Variants in NRG3 observed in about 807,000 individuals in gnomAD.
NRG3 encodes the protein neuregulin 3.
In NRG3, 31 loss-of-function variants were observed where a neutral mutation model predicts 66.9. The ratio of observed to expected loss-of-function variants is 0.46; its 90% confidence interval spans 0.35 to 0.63. The LOEUF is 0.63. NRG3 is among the 20% of genes least tolerant of loss of function. The probability of loss-of-function intolerance (pLI) is 0.00; values close to 1 mark genes in which losing one functional copy is unlikely to be tolerated. For synonymous variants in NRG3, 393 were observed against 359.4 expected, an observed-to-expected ratio of 1.09 and a Z score of -1.06; for missense variants, 910 against 878.9, an observed-to-expected ratio of 1.04 and a Z score of -0.45.
At position 82,671,260 on chromosome 10, in the gene NRG3, A is replaced by G. The variant is rs143990519; in HGVS notation, c.954-67317A>G. On this transcript the variant is annotated intron_variant, in intron 2 of 8. Coordinates refer to ENST00000372141, the MANE Select transcript of NRG3 (RefSeq NM_001010848.4). ...ACTCTCAGTAAGCTCCAGTTGTTAC[A>G]GGAGAATGAATCTCTGGCTGGGACC... 1.4e-3 allele frequency among the ~76,000 whole-genome samples: 207 copies of G among 152,346 alleles called. 1 individual carries two copies. Among genetic ancestry groups the G allele is most frequent in the African/African-American group, 4.7e-3 (196 of 41,588 alleles).
chr10:82,635,848 G>A (rs188153477), intron 2 of NRG3, among the ~76,000 whole-genome samples: 4 of 152,156 alleles, frequency 2.6e-5, no homozygotes, highest in African/African-American at 9.7e-5. Flanking sequence ...AGTGGACTAG[G>A]CTTGGGCTTT....
At chr10:82,666,276 A>T (rs897043716) in intron 2 of NRG3, among the ~76,000 whole-genome samples, 1 of 152,168 alleles carries the variant, frequency 6.6e-6, no homozygotes, top group Admixed American at 6.5e-5. Flanking sequence ...CTATGTGAGC[A>T]AGTCTTCAAA....
At chr10:82,351,588 G>A (rs2083442287) in intron 1 of NRG3, among the ~76,000 whole-genome samples, 1 of 152,148 alleles carries the variant, frequency 6.6e-6, no homozygotes, top group Non-Finnish European at 1.5e-5. Context: ...TGAAGTTTAA[G>A]ATCCATCTAC....
chr10:82,633,042 C>T (rs1043206552), intron 2 of NRG3, among the ~76,000 whole-genome samples: 1 of 152,182 alleles, frequency 6.6e-6, no homozygotes, highest in Non-Finnish European at 1.5e-5. Flanking sequence ...GGTTTGTTAA[C>T]TCATGGTCAC....
chr10:82,843,704 A>G (rs1366646865), intron 3 of NRG3, among the ~76,000 whole-genome samples: 3 of 152,186 alleles, frequency 2.0e-5, no homozygotes, highest in African/African-American at 7.2e-5. Flanking sequence ...CAATGATAAG[A>G]TGGAAAATGA....
intron 2 of NRG3, among the ~76,000 whole-genome samples, chr10:82,722,885 A>G (rs773363771): frequency 7.9e-5 from 12 of 152,176 alleles, no homozygotes; most frequent in Non-Finnish European, 1.6e-4. Context: ...TAGTTAAGAA[A>G]CAGGGCTTAC....
At chr10:82,569,779 C>T (rs569185400) in intron 2 of NRG3, among the ~76,000 whole-genome samples, 134 of 151,730 alleles carry the variant, frequency 8.8e-4, no homozygotes, top group African/African-American at 3.0e-3. Flanking sequence ...GTACAAATAA[C>T]TCACAAATAT....
intron 3 of NRG3, among the ~76,000 whole-genome samples, chr10:82,803,475 T>G (rs1178253290): frequency 1.3e-5 from 2 of 152,184 alleles, no homozygotes; most frequent in Non-Finnish European, 2.9e-5. Context: ...AAGGGCACAT[T>G]TAAAAAAATG....
At chr10:82,034,011 T>C (rs1039259966) in intron 1 of NRG3, among the ~76,000 whole-genome samples, 1 of 152,142 alleles carries the variant, frequency 6.6e-6, no homozygotes, top group Non-Finnish European at 1.5e-5. Context: ...ACCTTAGAAA[T>C]GATTTAAAGT....
At position 82,565,287 on chromosome 10, in the gene NRG3, T is replaced by C. The variant is rs550418086; in HGVS notation, c.954-173290T>C. Among the ~76,000 whole-genome samples the C allele has an allele frequency of 2.0e-5, 3 of 152,240 alleles. No individual in the cohort carries two copies. The South Asian group carries it at 6.2e-4, about 32-fold the overall frequency. ...TTGGTCTTCTAGGCAGTTTATCTCATGTACATGGAGAGTGAATATGGGTTC... is the reference window on the plus strand; with the variant it reads ...TTGGTCTTCTAGGCAGTTTATCTCACGTACATGGAGAGTGAATATGGGTTC... On this transcript the variant is annotated intron_variant, in intron 2 of 8. Coordinates refer to ENST00000372141, the MANE Select transcript of NRG3 (RefSeq NM_001010848.4).
intron 3 of NRG3, among the ~76,000 whole-genome samples, chr10:82,755,467 A>T (rs1471201146): frequency 1.3e-5 from 2 of 152,038 alleles, no homozygotes; most frequent in Non-Finnish European, 2.9e-5. Context: ...ATCTAGATTG[A>T]TATTACTGCT....
intron 1 of NRG3, among the ~76,000 whole-genome samples, chr10:82,150,856 T>C (rs1042117527): frequency 2.6e-5 from 4 of 152,174 alleles, no homozygotes; most frequent in Admixed American, 2.6e-4. Flanking sequence ...CTTTTAAACA[T>C]TGTTTACATC....
At chr10:82,014,715 GT>G (rs2061712275) in intron 1 of NRG3, among the ~76,000 whole-genome samples, 1 of 152,172 alleles carries the variant, frequency 6.6e-6, no homozygotes, top group Non-Finnish European at 1.5e-5. Flanking sequence ...CAGAGGCAGG[GT>G]GAAGGTGCTG....
At chr10:82,435,749 G>C (rs1030552975) in intron 2 of NRG3, among the ~76,000 whole-genome samples, 1 of 146,738 alleles carries the variant, frequency 6.8e-6, no homozygotes, top group Non-Finnish European at 1.5e-5. Flanking sequence ...CCATGAAATT[G>C]TGTGGTTTTG....
rs140114155 is a variant in NRG3 at position 82,179,553 on chromosome 10, G to A, written c.824-179186G>A. ...GCATCCTTGTCAATGATTATTTGACGATAAATGCATTGGTTTATTTCTGGG... is the reference window on the plus strand; with the variant it reads ...GCATCCTTGTCAATGATTATTTGACAATAAATGCATTGGTTTATTTCTGGG... On this transcript the variant is annotated intron_variant, in intron 1 of 8. Coordinates refer to ENST00000372141, the MANE Select transcript of NRG3 (RefSeq NM_001010848.4). 3.9e-5 allele frequency among the ~76,000 whole-genome samples: 6 copies of A among 151,954 alleles called. No individual in the cohort carries two copies. In the East Asian group the frequency reaches 9.7e-4, roughly 24 times the overall value.
At position 82,985,413 on chromosome 10, in the gene NRG3, T is replaced by C. The variant is rs1383203198; in HGVS notation, c.1899T>C (p.Thr633=). 3.1e-6 allele frequency: 5 copies of C among 1,614,158 alleles called. No individual in the cohort carries two copies. In the South Asian group the frequency reaches 3.3e-5, roughly 11 times the overall value. The part of the protein sequence containing the change: ...EQQEVKILLE[T]VQEQIRILTD... ...AAGAAGTGAAAATATTGCTAGAAACTGTCCAGGAGCAGATCCGAATTCTGA... is the reference window on the plus strand; with the variant it reads ...AAGAAGTGAAAATATTGCTAGAAACCGTCCAGGAGCAGATCCGAATTCTGA... The change falls in exon 9 of 9, where the codon ACT becomes ACC. Residue 633 remains threonine (T), a synonymous_variant. Coordinates refer to ENST00000372141, the MANE Select transcript of NRG3 (RefSeq NM_001010848.4).
intron 2 of NRG3, among the ~76,000 whole-genome samples, chr10:82,587,159 A>G (rs614899): frequency 0.088 from 13,380 of 152,208 alleles, 651 homozygotes; most frequent in East Asian, 0.15. Flanking sequence ...TACATGACCT[A>G]TAGTATTACA....
chr10:82,372,288 T>C (rs2084938300), intron 2 of NRG3, among the ~76,000 whole-genome samples: 1 of 152,170 alleles, frequency 6.6e-6, no homozygotes, highest in African/African-American at 2.4e-5. Flanking sequence ...ATGTCATAAA[T>C]TTTTGATGCA....
At chr10:82,673,896 G>T (rs1301926646) in intron 2 of NRG3, among the ~76,000 whole-genome samples, 2 of 152,082 alleles carry the variant, frequency 1.3e-5, no homozygotes, top group Non-Finnish European at 2.9e-5. Context: ...CAGAGGGAAA[G>T]AACATAGATC....
Sources: allele counts gnomAD v4.1 joint callset (sites outside exome capture counted in the v4.1 genomes callset), GRCh38; gene constraint gnomAD v4.1.1; transcripts MANE v1.5; gene names NCBI Gene and HGNC (gene_info 2026-07-23, HGNC 2026-07-21).